BICRA: variants seen among roughly 807,000 people sequenced by gnomAD.
BICRA encodes BRD4-interacting chromatin-remodeling complex-associated protein.
Under a neutral mutation model 96.9 loss-of-function variants are expected in BICRA, and 31 were observed. That is an observed-to-expected ratio of 0.32 (90% confidence interval 0.24 to 0.43). The LOEUF (loss-of-function observed/expected upper bound fraction) is 0.43. BICRA is among the 20% of genes least tolerant of loss of function. The probability of loss-of-function intolerance (pLI) is 1.00; values close to 1 mark genes in which losing one functional copy is unlikely to be tolerated. For synonymous variants in BICRA, 1,350 were observed against 1,071.8 expected (o/e 1.26, Z -5.07); for missense variants, 2,283 against 2,190.3 (o/e 1.04, Z -0.84).
intron 10 of BICRA, among the ~76,000 whole-genome samples, chr19:47,696,139 G>A (rs933726819): frequency 2.0e-5 from 3 of 152,114 alleles, no homozygotes. Context: ...CGGTGATGTG[G>A]GAAGCAGGCA....
In BICRA at chr19:47,680,998, G is replaced by A. The variant is rs1208303264; in HGVS notation, c.1828G>A (p.Ala610Thr). The A allele has an allele frequency of 4.4e-5, 64 of 1,458,332 alleles. No homozygotes were observed. Among genetic ancestry groups the A allele is most frequent in the Non-Finnish European group, 3.8e-5 (42 of 1,114,712 alleles). The allele number at this position is 1,458,332 out of a possible 1,614,324, so 90.3% of individuals were successfully genotyped here. A position where few individuals can be genotyped will look rare whatever the true frequency, so the allele number is the denominator to read the frequency against. ...DGLVQPATPA[A>T]ATGEAAPVLT... ...CCTGGTGCAGCCGGCCACCCCTGCCGCTGCCACCGGGGAGGCCGCGCCTGT... is the reference window on the plus strand; with the variant it reads ...CCTGGTGCAGCCGGCCACCCCTGCCACTGCCACCGGGGAGGCCGCGCCTGT... Residue 610 changes from alanine (A) to threonine (T), a missense_variant, in exon 6 of 15, where the codon GCT becomes ACT. Ala to Thr is a moderately conservative substitution (Grantham distance 58). Coordinates refer to ENST00000594866, the MANE Select transcript of BICRA (RefSeq NM_001394372.1).
In BICRA at chr19:47,696,456, G is replaced by A; in HGVS notation, c.3192G>A (p.Glu1064=). The change falls in exon 11 of 15, where the codon GAG becomes GAA. Residue 1064 remains glutamate, a synonymous_variant. Transcript: ENST00000594866. ...ACTCGCCTTTCTTCTCCCAGTATGA[G>A]AGCAAACTGAGTGGCCTGAAGAAGC... ...GPGKPSGLQY[E]SKLSGLKKPP... is the part of the protein sequence containing the mutation. 1 of 1,599,056 alleles carries A rather than the reference G, an allele frequency of 6.3e-7. No homozygotes were observed. The highest frequency in any genetic ancestry group is 8.5e-7 in the Non-Finnish European group (1 of 1,172,940).
intron 1 of BICRA, among the ~76,000 whole-genome samples, chr19:47,644,186 TA>T (rs1972424088): frequency 3.3e-5 from 5 of 151,542 alleles, no homozygotes; most frequent in South Asian, 2.1e-4. Flanking sequence ...CCCAGCTAAT[TA>T]TTTCTTCTTC....
At position 47,680,975 on chromosome 19, in the gene BICRA, T is replaced by C; in HGVS notation, c.1805T>C (p.Leu602Pro). 6.8e-7 allele frequency: 1 copy of C among 1,467,988 alleles called. No individual in the cohort carries two copies. The highest frequency in any genetic ancestry group is 8.9e-7 in the Non-Finnish European group (1 of 1,119,646). 90.9% of individuals were successfully genotyped at this position (1,467,988 alleles called of 1,614,324 possible). ...GCCATGCTCAACACCCCCGACGGCC[T>C]GGTGCAGCCGGCCACCCCTGCCGCT... ...AVAMLNTPDG[L>P]VQPATPAAAT... Residue 602 changes from leucine (L) to proline (P), a missense_variant, in exon 6 of 15, where the codon CTG (leucine) becomes CCG (proline). Physicochemically the swap from Leu to Pro is moderately conservative, Grantham distance 98 (BLOSUM62 -3). Coordinates refer to ENST00000594866, the MANE Select transcript of BICRA (RefSeq NM_001394372.1).
At chr19:47,681,435 C>G (rs539461039) in intron 6 of BICRA, among the ~76,000 whole-genome samples, 159 bp downstream of exon 6, 1 of 152,210 alleles carries the variant, frequency 6.6e-6, no homozygotes, top group Middle Eastern at 3.4e-3. Context: ...AGAGGAGGCC[C>G]GAAGGGTGAG....
rs377049942 is a variant in BICRA, at chr19:47,634,643, C to T, written c.-108+25475C>T. Among the ~76,000 whole-genome samples, 5 of 152,178 alleles carry T rather than the reference C, an allele frequency of 3.3e-5. No homozygotes were observed. The East Asian group carries it at 9.6e-4, about 29-fold the overall frequency. On this transcript the variant is annotated intron_variant, in intron 1 of 14. Coordinates refer to ENST00000594866, the MANE Select transcript of BICRA (RefSeq NM_001394372.1). Reference sequence around the variant, plus strand: ...AAACCAAAACAAACAAAGCCTGCTTCTCTCCATCTCAGTAAACGGCACCAT... The same window carrying T: ...AAACCAAAACAAACAAAGCCTGCTTTTCTCCATCTCAGTAAACGGCACCAT...
intron 9 of BICRA, 91 bp from the exon 10 acceptor site, chr19:47,695,274 G>C: frequency 1.3e-6 from 1 of 783,372 alleles, no homozygotes. Flanking sequence ...CAGGAGGAGA[G>C]CGGTGGGGTA....
Position 47,699,492 on chromosome 19 carries a change from G to T in BICRA, c.3595+87G>T, listed in dbSNP as rs1568580365. 1.3e-5 allele frequency: 10 copies of T among 778,106 alleles called. No homozygotes were observed. In the East Asian group the frequency reaches 2.7e-4, roughly 21 times the overall value. 48.2% of individuals were successfully genotyped at this position (778,106 alleles called of 1,614,324 possible). A position where few individuals can be genotyped will look rare whatever the true frequency, so the allele number is the denominator to read the frequency against. ...GAGTTAGATTCAGGGCGGGGAGTGG[G>T]TGTGTGGCCCTACCTCACTCCACCA... is the stretch of plus-strand genomic sequence containing the variant. On this transcript the variant is annotated intron_variant, in intron 14 of 14. Coordinates refer to ENST00000594866, the MANE Select transcript of BICRA (RefSeq NM_001394372.1). The surrounding 1 kb of genome is among the most constrained non-coding windows in gnomAD (Gnocchi z 5.0).
Position 47,639,319 on chromosome 19 carries a change from A to ATTTTTTTTTT in BICRA, c.-108+30167_-108+30176dup, listed in dbSNP as rs35509834. Among the ~76,000 whole-genome samples the ATTTTTTTTTT allele has an allele frequency of 7.6e-5, 4 of 52,378 alleles. 1 individual carries two copies. Among genetic ancestry groups the ATTTTTTTTTT allele is most frequent in the Non-Finnish European group, 1.3e-4 (4 of 31,194 alleles). The allele number at this position is 52,378 out of a possible 152,430, so 34.4% of individuals were successfully genotyped here. A position where few individuals can be genotyped will look rare whatever the true frequency, so the allele number is the denominator to read the frequency against. On this transcript the variant is annotated intron_variant, in intron 1 of 14. Coordinates refer to ENST00000594866, the MANE Select transcript of BICRA (RefSeq NM_001394372.1). Reference sequence around the variant, plus strand: ...CATGATGCCTTGCACCCCACCCTGCATTTTTTTTTTTTTTTTTTTTTTTTT... The same window carrying ATTTTTTTTTT: ...CATGATGCCTTGCACCCCACCCTGCATTTTTTTTTTTTTTTTTTTTTTTTTTTTTTTTTTT...
At chr19:47,681,747 G>A (rs1336380874) in intron 6 of BICRA, among the ~76,000 whole-genome samples, 1 of 152,140 alleles carries the variant, frequency 6.6e-6, no homozygotes, top group East Asian at 1.9e-4. Context: ...AGGCAGGTGG[G>A]GCAGGAGAGA....
At position 47,675,465 on chromosome 19, in the gene BICRA, G is replaced by A. The variant is rs1972926087; in HGVS notation, c.85-386G>A. On this transcript the variant is annotated intron_variant, in intron 4 of 14. Coordinates refer to ENST00000594866, the MANE Select transcript of BICRA (RefSeq NM_001394372.1). The surrounding 1 kb of genome is among the most constrained non-coding windows in gnomAD (Gnocchi z 4.7). The stretch of plus-strand genomic sequence containing the variant: ...GCACTCAGGCTGCGTTGGGAAAGGA[G>A]TACTTAGTGAGAAGGGACAGGAGCT... Among the ~76,000 whole-genome samples the A allele has an allele frequency of 6.6e-6, 1 of 152,206 alleles. No homozygotes were observed. Among genetic ancestry groups the A allele is most frequent in the African/African-American group, 2.4e-5 (1 of 41,466 alleles).
chr19:47,681,859 G>T, intron 6 of BICRA, 117 bp from the exon 7 acceptor site: 1 of 729,302 alleles, frequency 1.4e-6, no homozygotes. Context: ...CTGCCAGGCT[G>T]CCCACTACCC....
At chr19:47,647,050 G>A (rs1048486938) in intron 1 of BICRA, among the ~76,000 whole-genome samples, 12 of 152,280 alleles carry the variant, frequency 7.9e-5, no homozygotes, top group Non-Finnish European at 1.6e-4. Context: ...CTTACACGAC[G>A]TGGCCTTTTG....
chr19:47,689,933 A>G (rs1351126601), intron 7 of BICRA, among the ~76,000 whole-genome samples: 1 of 152,034 alleles, frequency 6.6e-6, no homozygotes, highest in East Asian at 1.9e-4. Context: ...ATATTGATGC[A>G]CTTTAGACCA....
Position 47,699,882 on chromosome 19 carries a change from C to T in BICRA, c.3595+477C>T, listed in dbSNP as rs1366919459. The T allele has an allele frequency of 6.2e-6, 1 of 161,346 alleles. No homozygotes were observed. Among genetic ancestry groups the T allele is most frequent in the East Asian group, 1.8e-4 (1 of 5,548 alleles). The allele number at this position is 161,346 out of a possible 1,614,324, so 10.0% of individuals were successfully genotyped here. Reference sequence around the variant, plus strand: ...CAGCTGCCAGAGTTTCCAGAATATTCCCTTAGCCTTTGCCCACATTCCAAC... The same window carrying T: ...CAGCTGCCAGAGTTTCCAGAATATTTCCTTAGCCTTTGCCCACATTCCAAC... On this transcript the variant is annotated intron_variant, in intron 14 of 14. Transcript: ENST00000594866. The surrounding 1 kb of genome is among the most constrained non-coding windows in gnomAD (Gnocchi z 5.0).
chr19:47,694,110 C>CCT lies in BICRA; in HGVS notation c.2284-4_2284-3insTC. On this transcript the variant is annotated splice_polypyrimidine_tract_variant and splice_region_variant and intron_variant, in intron 7 of 14. Transcript: ENST00000594866. ...CCCTCCCCTCTCCCTCCCTCCCCTG[C>CCT]CCAGATCCCGGCAGCGGCTCCGCTG... The CCT allele has an allele frequency of 7.0e-7, 1 of 1,430,754 alleles. No individual in the cohort carries two copies. The highest frequency in any genetic ancestry group is 2.9e-5 in the East Asian group (1 of 34,154). 88.6% of individuals were successfully genotyped at this position (1,430,754 alleles called of 1,614,324 possible).
In BICRA at chr19:47,698,850, C is replaced by G. The variant is rs888904961; in HGVS notation, c.3397+68C>G. On this transcript the variant is annotated intron_variant, in intron 12 of 14. Transcript: ENST00000594866. The surrounding 1 kb of genome is among the most constrained non-coding windows in gnomAD (Gnocchi z 4.8). The stretch of plus-strand genomic sequence containing the variant: ...CCCAGCCCGTGGGGCGGGGCGTCGC[C>G]AGTGTGGAGCCGCAGGTCCACGGTG... 7 of 1,424,988 alleles carry G rather than the reference C, an allele frequency of 4.9e-6. No individual in the cohort carries two copies. In the Admixed American group the frequency reaches 1.4e-4, roughly 28 times the overall value. 88.3% of individuals were successfully genotyped at this position (1,424,988 alleles called of 1,614,324 possible).
intron 1 of BICRA, among the ~76,000 whole-genome samples, chr19:47,624,892 C>CTATG (rs1364737764): frequency 6.6e-6 from 1 of 150,958 alleles, no homozygotes; most frequent in African/African-American, 2.4e-5. Context: ...TGAGGTTTCA[C>CTATG]TATGTTGCCC....
Position 47,694,207 on chromosome 19 carries a change from C to CAA in BICRA, c.2376_2377insAA (p.Ser793AsnfsTer50). Reference sequence around the variant, plus strand: ...CTCTGGGGGACAGCCCCCACCTGCCCTCCCCACACCCCACCCGGCCCCCTT... The same window carrying CAA: ...CTCTGGGGGACAGCCCCCACCTGCCCAATCCCCACACCCCACCCGGCCCCCTT... On this transcript the variant is annotated frameshift_variant, in exon 8 of 15. Transcript: ENST00000594866. LOFTEE classifies it high-confidence loss of function. 3 of 1,322,924 alleles carry CAA rather than the reference C, an allele frequency of 2.3e-6. No individual in the cohort carries two copies. Among genetic ancestry groups the CAA allele is most frequent in the Non-Finnish European group, 3.0e-6 (3 of 987,954 alleles). The allele number at this position is 1,322,924 out of a possible 1,614,324, so 81.9% of individuals were successfully genotyped here. A position where few individuals can be genotyped will look rare whatever the true frequency, so the allele number is the denominator to read the frequency against.
Sources: gnomAD v4.1 joint callset for allele counts (sites outside exome capture counted in the v4.1 genomes callset) on GRCh38, gnomAD v4.1.1 for gene constraint, Gnocchi (gnomAD v3.1) non-coding constraint, MANE v1.5 for transcripts, NCBI Gene and HGNC (gene_info 2026-07-23, HGNC 2026-07-21) for gene names.